Variants in ALMS1 observed in about 807,000 individuals in gnomAD.
ALMS1 encodes the protein centrosome-associated protein ALMS1.
Under a neutral mutation model 352.2 loss-of-function variants are expected in ALMS1, and 271 were observed. The observed-to-expected ratio is 0.77, with a 90% CI of 0.70 to 0.85. The LOEUF is 0.85. Ranked by LOEUF, ALMS1 falls within the 40% of genes least tolerant of loss-of-function variation. The probability of loss-of-function intolerance (pLI) is 0.00; values close to 1 mark genes in which losing one functional copy is unlikely to be tolerated. For missense variants in ALMS1, 5,445 were observed against 4,870.7 expected (o/e 1.12, Z -3.51); for synonymous variants, 1,865 against 1,761.2 (o/e 1.06, Z -1.48).
intron 15 of ALMS1, among the ~76,000 whole-genome samples, chr2:73,561,682 A>G (rs1173644873): frequency 1.4e-5 from 2 of 145,214 alleles, no homozygotes; most frequent in Non-Finnish European, 2.9e-5. Context: ...AACACTACTG[A>G]ACTGTACACT....
rs1043429291 is a variant in ALMS1 at position 73,490,879 on chromosome 2, C to T, written c.8920C>T (p.Pro2974Ser). 31 of 1,614,006 alleles carry T rather than the reference C, an allele frequency of 1.9e-5. No individual in the cohort carries two copies. The highest frequency in any genetic ancestry group is 2.7e-5 in the African/African-American group (2 of 74,932). Reference protein sequence around the residue: ...ISLEQCQSKAPGVDDQMNKHH... With the variant: ...ISLEQCQSKASGVDDQMNKHH... ...TCTTGAACAATGCCAAAGCAAAGCG[C>T]CAGGTGTAGATGACCAAATGAATAA... The change falls in exon 10 of 23, where the codon CCA becomes TCA. Residue 2974 changes from proline (P) to serine (S), a missense_variant. Coordinates refer to ENST00000613296, the MANE Select transcript of ALMS1 (RefSeq NM_001378454.1).
intron 21 of ALMS1, among the ~76,000 whole-genome samples, chr2:73,604,653 G>A (rs1675775234): frequency 6.6e-6 from 1 of 152,130 alleles, no homozygotes; most frequent in Non-Finnish European, 1.5e-5. Flanking sequence ...AATCCAAAGG[G>A]ATGCTTTGGA....
chr2:73,485,410 C>G (rs1208146704), intron 9 of ALMS1, among the ~76,000 whole-genome samples: 1 of 152,100 alleles, frequency 6.6e-6, no homozygotes, highest in Admixed American at 6.6e-5. Flanking sequence ...CAGGGACCCA[C>G]TTGAGGAGGC....
In ALMS1 at chr2:73,490,070, C is replaced by T. The variant is rs761272792; in HGVS notation, c.8111C>T (p.Ser2704Phe). 14 of 1,614,168 alleles carry T rather than the reference C, an allele frequency of 8.7e-6. No homozygotes were observed. The East Asian group carries it at 2.9e-4, about 33-fold the overall frequency. ...VDFHSSSQMPSPEPMKKFTTS... is the reference protein window; with the variant it reads ...VDFHSSSQMPFPEPMKKFTTS... ...TTTCATTCTTCATCACAAATGCCGT[C>T]CCCAGAACCCATGAAAAAGTTTACT... Residue 2704 changes from serine (S) to phenylalanine (F), a missense_variant, in exon 10 of 23, where the codon TCC becomes TTC. By Grantham distance (155) the Ser-to-Phe change is radical. Transcript: ENST00000613296.
Position 73,451,666 on chromosome 2 carries a change from A to G in ALMS1, c.5139A>G (p.Ser1713=). ...ETPSVSSSLY[S]YREKPIVFYQ... Reference sequence around the variant, plus strand: ...CATCAGTATCCTCTAGTTTATACTCATATAGAGAGAAGCCCATTGTCTTCT... The same window carrying G: ...CATCAGTATCCTCTAGTTTATACTCGTATAGAGAGAAGCCCATTGTCTTCT... Residue 1713 remains serine, a synonymous_variant, in exon 8 of 23, where the codon TCA becomes TCG. Coordinates refer to ENST00000613296, the MANE Select transcript of ALMS1 (RefSeq NM_001378454.1). The G allele has an allele frequency of 2.5e-6, 4 of 1,613,896 alleles. No individual in the cohort carries two copies. Among genetic ancestry groups the G allele is most frequent in the Non-Finnish European group, 3.4e-6 (4 of 1,179,784 alleles).
chr2:73,573,159 T>A lies in ALMS1; in HGVS notation c.11282T>A (p.Val3761Asp), dbSNP rs765112310. 3.1e-6 allele frequency: 5 copies of A among 1,613,718 alleles called. No individual in the cohort carries two copies. The highest frequency in any genetic ancestry group is 4.2e-6 in the Non-Finnish European group (5 of 1,179,906). ...ATCCTTTCCGGCACCACTTCTACTGTCGAATCAGATATATTGACCCAAACA... is the reference window on the plus strand; with the variant it reads ...ATCCTTTCCGGCACCACTTCTACTGACGAATCAGATATATTGACCCAAACA... Reference protein sequence around the residue: ...TNILSGTTSTVESDILTQTDR... With the variant: ...TNILSGTTSTDESDILTQTDR... The change falls in exon 16 of 23, where the codon GTC (valine) becomes GAC (aspartate). Residue 3761 changes from valine to aspartate, a missense_variant. Transcript: ENST00000613296.
Position 73,399,471 on chromosome 2 carries a change from A to G in ALMS1, c.325-9151A>G, listed in dbSNP as rs1427346611. On this transcript the variant is annotated intron_variant, in intron 1 of 22. Transcript: ENST00000613296. Reference sequence around the variant, plus strand: ...GGTGAAGTGGGGGCAGGCGTCTCACATGGCGAGAGCAGAAGCCAGAGAGCA... The same window carrying G: ...GGTGAAGTGGGGGCAGGCGTCTCACGTGGCGAGAGCAGAAGCCAGAGAGCA... 3.3e-5 allele frequency among the ~76,000 whole-genome samples: 5 copies of G among 151,988 alleles called. No individual in the cohort carries two copies. In the East Asian group the frequency reaches 7.7e-4, roughly 23 times the overall value.
intron 10 of ALMS1, among the ~76,000 whole-genome samples, chr2:73,519,339 T>C (rs1673624622): frequency 6.6e-6 from 1 of 152,206 alleles, no homozygotes; most frequent in South Asian, 2.1e-4. Context: ...TAATTCCCTA[T>C]GATCTCAAGA....
chr2:73,540,128 C>T (rs1170835619), intron 12 of ALMS1, among the ~76,000 whole-genome samples: 6 of 152,170 alleles, frequency 3.9e-5, no homozygotes, highest in Admixed American at 2.6e-4. Flanking sequence ...AGAGAAAGGT[C>T]GGGTTACCCA....
At chr2:73,569,811 G>C (rs1298085598) in intron 15 of ALMS1, among the ~76,000 whole-genome samples, 1 of 152,208 alleles carries the variant, frequency 6.6e-6, no homozygotes, top group East Asian at 1.9e-4. Context: ...ATAGTTATCA[G>C]GAAGAGTGGT....
intron 9 of ALMS1, among the ~76,000 whole-genome samples, chr2:73,464,993 T>C (rs1672298757): frequency 6.7e-6 from 1 of 149,566 alleles, no homozygotes; most frequent in Admixed American, 6.6e-5. Context: ...GTAGGAAGAA[T>C]CAATATCGTG....
chr2:73,479,986 T>C (rs1208512804), intron 9 of ALMS1, among the ~76,000 whole-genome samples: 1 of 152,148 alleles, frequency 6.6e-6, no homozygotes, highest in African/African-American at 2.4e-5. Context: ...TTGCACATTT[T>C]TTAATATTTC....
chr2:73,516,660 A>G (rs1390486706), intron 10 of ALMS1, among the ~76,000 whole-genome samples: 1 of 152,182 alleles, frequency 6.6e-6, no homozygotes, highest in East Asian at 1.9e-4. Flanking sequence ...TGCCCTCACA[A>G]CTTTAGAATA....
intron 1 of ALMS1, among the ~76,000 whole-genome samples, chr2:73,395,112 C>T (rs1283035591): frequency 3.4e-5 from 4 of 118,386 alleles, no homozygotes; most frequent in East Asian, 2.4e-4. Context: ...GACAGAGTCT[C>T]GCTCTGTCAC....
At chr2:73,509,018 G>A (rs934195977) in intron 10 of ALMS1, among the ~76,000 whole-genome samples, 14 of 152,070 alleles carry the variant, frequency 9.2e-5, no homozygotes, top group African/African-American at 3.4e-4. Flanking sequence ...TTTAAAGTCT[G>A]TTTTATCAGA....
intron 9 of ALMS1, among the ~76,000 whole-genome samples, chr2:73,476,208 T>G (rs1672579895): frequency 6.6e-6 from 1 of 152,122 alleles, no homozygotes; most frequent in Admixed American, 6.6e-5. Context: ...TCACCCATGT[T>G]GTACTATATG....
intron 7 of ALMS1, among the ~76,000 whole-genome samples, chr2:73,437,719 A>T (rs1671633200): frequency 6.6e-6 from 1 of 152,136 alleles, no homozygotes; most frequent in African/African-American, 2.4e-5. Flanking sequence ...CTGACATTAA[A>T]GATTTAATAT....
In ALMS1 at chr2:73,462,591, C is replaced by A. The variant is rs893602626; in HGVS notation, c.7674+7296C>A. Among the ~76,000 whole-genome samples, 892 of 152,208 alleles carry A rather than the reference C, an allele frequency of 5.9e-3. 12 individuals are homozygous for A. The highest frequency in any genetic ancestry group is 0.021 in the African/African-American group (856 of 41,514). The stretch of plus-strand genomic sequence containing the variant: ...AGCTAACATCATAATGACAGGACCA[C>A]ATTCACACATAACAATATTAACTTT... On this transcript the variant is annotated intron_variant, in intron 9 of 22. Coordinates refer to ENST00000613296, the MANE Select transcript of ALMS1 (RefSeq NM_001378454.1).
At chr2:73,486,592 G>A (rs991305635) in intron 9 of ALMS1, among the ~76,000 whole-genome samples, 3 of 152,184 alleles carry the variant, frequency 2.0e-5, no homozygotes, top group African/African-American at 7.2e-5. Context: ...GTCTGTATAT[G>A]CAAGAGAAAA....
Sources: allele counts gnomAD v4.1 joint callset (sites outside exome capture counted in the v4.1 genomes callset), GRCh38; gene constraint gnomAD v4.1.1; transcripts MANE v1.5; gene names NCBI Gene and HGNC (gene_info 2026-07-23, HGNC 2026-07-21).